GRAMD1C: variants seen among roughly 807,000 people sequenced by gnomAD.
The protein encoded by GRAMD1C is protein Aster-C.
GRAMD1C carries 89 observed loss-of-function variants against 97.8 expected under a neutral mutation model. The ratio of observed to expected loss-of-function variants is 0.91; its 90% CI spans 0.77 to 1.09. The LOEUF is 1.09. Ranked by LOEUF, GRAMD1C falls within the 50% of genes least tolerant of loss-of-function variation. The pLI, the probability that GRAMD1C is intolerant of heterozygous loss-of-function variation, is 0.00. For synonymous variants in GRAMD1C, 256 were observed against 267.0 expected (o/e 0.96, Z 0.40); for missense variants, 740 against 766.4 (o/e 0.97, Z 0.41).
chr3:113,871,324 A>G (rs2107373761), intron 3 of GRAMD1C, among the ~76,000 whole-genome samples: 1 of 152,312 alleles, frequency 6.6e-6, no homozygotes, highest in East Asian at 1.9e-4. Context: ...TATACTCATG[A>G]CAATAAAACT....
chr3:113,854,970 C>T (rs1408989464), intron 2 of GRAMD1C, among the ~76,000 whole-genome samples: 1 of 152,156 alleles, frequency 6.6e-6, no homozygotes, highest in Non-Finnish European at 1.5e-5. Context: ...TCTAGCTGTA[C>T]CTGCCTTTCC....
chr3:113,892,750 A>G (rs751996558), intron 6 of GRAMD1C, among the ~76,000 whole-genome samples: 1 of 152,092 alleles, frequency 6.6e-6, no homozygotes, highest in Non-Finnish European at 1.5e-5. Flanking sequence ...CTTTAATACA[A>G]ACAATTGATG....
intron 8 of GRAMD1C, among the ~76,000 whole-genome samples, chr3:113,907,572 C>T (rs1577190921): frequency 6.6e-6 from 1 of 151,970 alleles, no homozygotes; most frequent in African/African-American, 2.4e-5. Flanking sequence ...CTACAAGCAT[C>T]GTATGTCACT....
chr3:113,839,601 A>G (rs1709726222), intron 1 of GRAMD1C, among the ~76,000 whole-genome samples: 1 of 152,210 alleles, frequency 6.6e-6, no homozygotes, highest in Non-Finnish European at 1.5e-5. Context: ...TGTTGAATGA[A>G]CAGATGAATG....
In GRAMD1C at chr3:113,946,843, C is replaced by T. The variant is rs528174573; in HGVS notation, c.*1365C>T. 6.6e-6 allele frequency: 1 copy of T among 152,180 alleles called. No homozygotes were observed. The highest frequency in any genetic ancestry group is 1.5e-5 in the Non-Finnish European group (1 of 68,046). 9.4% of individuals were successfully genotyped at this position (152,180 alleles called of 1,614,324 possible). A position where few individuals can be genotyped will look rare whatever the true frequency, so the allele number is the denominator to read the frequency against. On this transcript the variant is annotated 3_prime_UTR_variant, in exon 18 of 18. Transcript: ENST00000358160. The stretch of plus-strand genomic sequence containing the variant: ...TCCGTTAGAGGGAAAATGGGTTTCT[C>T]TGGGTGAATTCCAACGAAGCATACC...
At chr3:113,883,294 G>A (rs1469542658) in intron 6 of GRAMD1C, among the ~76,000 whole-genome samples, 1 of 152,140 alleles carries the variant, frequency 6.6e-6, no homozygotes, top group Non-Finnish European at 1.5e-5. Flanking sequence ...GGAGTCTGAG[G>A]TGAGCGGATT....
At position 113,850,360 on chromosome 3, in the gene GRAMD1C, A is replaced by G. The variant is rs1361091290; in HGVS notation, c.174+5711A>G. 3.9e-5 allele frequency: 30 copies of G among 770,694 alleles called. 1 individual carries two copies. The Admixed American group carries it at 4.8e-4, about 12-fold the overall frequency. The allele number at this position is 770,694 out of a possible 1,614,324, so 47.7% of individuals were successfully genotyped here. A position where few individuals can be genotyped will look rare whatever the true frequency, so the allele number is the denominator to read the frequency against. On this transcript the variant is annotated intron_variant, in intron 2 of 17. Coordinates refer to ENST00000358160, the MANE Select transcript of GRAMD1C (RefSeq NM_017577.5). ...GGGGCACAAAACTCCGTCTGTAGGT[A>G]TCTCTGTCGGCTTCCCCTTTTGTGA... is the stretch of plus-strand genomic sequence containing the variant.
At chr3:113,831,290 C>CA (rs1332104485) in intron 1 of GRAMD1C, among the ~76,000 whole-genome samples, 1 of 152,146 alleles carries the variant, frequency 6.6e-6, no homozygotes, top group South Asian at 2.1e-4. Context: ...AAGAACACTT[C>CA]AGTCTTTCTT....
intron 12 of GRAMD1C, 45 bp downstream of exon 12, chr3:113,933,698 C>T: frequency 7.3e-7 from 1 of 1,364,836 alleles, no homozygotes; most frequent in Non-Finnish European, 1.0e-6. Flanking sequence ...TAGATTATGT[C>T]CTGGTAATTT....
chr3:113,888,076 A>G (rs1366180777), intron 6 of GRAMD1C, among the ~76,000 whole-genome samples: 4 of 152,166 alleles, frequency 2.6e-5, no homozygotes, highest in African/African-American at 4.8e-5. Flanking sequence ...AATTAACACC[A>G]ATCCTTCACC....
chr3:113,843,100 G>A (rs895744808), intron 1 of GRAMD1C, among the ~76,000 whole-genome samples: 5 of 133,750 alleles, frequency 3.7e-5, no homozygotes, highest in African/African-American at 1.4e-4. Flanking sequence ...TTTGAGACAG[G>A]GTTTTGCTTT....
At chr3:113,842,856 G>T (rs1422292925) in intron 1 of GRAMD1C, among the ~76,000 whole-genome samples, 1 of 151,646 alleles carries the variant, frequency 6.6e-6, no homozygotes, top group Non-Finnish European at 1.5e-5. Flanking sequence ...CCAGCTACTC[G>T]GGAGACTGAG....
rs765710220 is a variant in GRAMD1C, at chr3:113,915,744, C to T, written c.996C>T (p.Asn332=). 1.9e-6 allele frequency: 3 copies of T among 1,609,276 alleles called. No homozygotes were observed. The highest frequency in any genetic ancestry group is 1.1e-5 in the South Asian group (1 of 90,864). ...ATCTTCATGGAAGACTTTTTATCAACCGTATTTTTCATATCAGTGCTGACA... is the reference window on the plus strand; with the variant it reads ...ATCTTCATGGAAGACTTTTTATCAATCGTATTTTTCATATCAGTGCTGACA... ...EKDLHGRLFI[N]RIFHISADRM... is the part of the protein sequence containing the mutation. Residue 332 remains asparagine (N), a synonymous_variant, in exon 10 of 18, where the codon AAC becomes AAT. Transcript: ENST00000358160.
chr3:113,908,293 T>C (rs993051318), intron 8 of GRAMD1C, among the ~76,000 whole-genome samples: 1 of 152,266 alleles, frequency 6.6e-6, no homozygotes, highest in Non-Finnish European at 1.5e-5. Context: ...CATCATACTT[T>C]AATGCCTAAC....
upstream of GRAMD1C, among the ~76,000 whole-genome samples, chr3:113,838,247 A>T (rs535637417): frequency 6.6e-6 from 1 of 152,196 alleles, no homozygotes; most frequent in Non-Finnish European, 1.5e-5. Context: ...ACAGCAGTTA[A>T]TCAGTAACTT....
chr3:113,866,851 T>G (rs1487456723), intron 2 of GRAMD1C, among the ~76,000 whole-genome samples: 3 of 150,900 alleles, frequency 2.0e-5, no homozygotes, highest in African/African-American at 7.3e-5. Context: ...TTTTTTGAGA[T>G]GGAGTCTCAC....
intron 5 of GRAMD1C, among the ~76,000 whole-genome samples, chr3:113,878,040 A>G (rs1219307815): frequency 1.3e-5 from 2 of 152,188 alleles, no homozygotes; most frequent in Non-Finnish European, 2.9e-5. Context: ...TTGGCCTCCC[A>G]AAGTGCTGGG....
intron 8 of GRAMD1C, among the ~76,000 whole-genome samples, chr3:113,905,771 C>CT (rs1936349031): frequency 6.6e-6 from 1 of 152,078 alleles, no homozygotes; most frequent in Admixed American, 6.6e-5. Context: ...TCTCAGCTCA[C>CT]TGCAGCCTCC....
At chr3:113,840,116 G>A (rs777624973) in intron 1 of GRAMD1C, among the ~76,000 whole-genome samples, 1 of 152,078 alleles carries the variant, frequency 6.6e-6, no homozygotes, top group Non-Finnish European at 1.5e-5. Context: ...ACAGGCGCCC[G>A]CCACCACGCC....
Sources: gnomAD v4.1 joint callset for allele counts (sites outside exome capture counted in the v4.1 genomes callset) on GRCh38, gnomAD v4.1.1 for gene constraint, MANE v1.5 for transcripts, NCBI Gene and HGNC (gene_info 2026-07-23, HGNC 2026-07-21) for gene names.